The following NCSTN variants were observed in gnomAD, a reference collection of about 807,000 sequenced individuals.
NCSTN encodes anterior pharynx-defective 2.
Under a neutral mutation model 87.0 loss-of-function variants are expected in NCSTN, and 22 were observed. The ratio of observed to expected loss-of-function variants is 0.25; its 90% CI spans 0.18 to 0.36. The LOEUF is 0.36. Among genes scored for constraint, NCSTN ranks in the 10% least tolerant of loss-of-function variants. The probability of loss-of-function intolerance (pLI) is 1.00; values close to 1 mark genes in which losing one functional copy is unlikely to be tolerated. For synonymous variants in NCSTN, 306 were observed against 327.1 expected, an observed-to-expected ratio of 0.94 and a Z score of 0.69; for missense variants, 693 against 883.3, an observed-to-expected ratio of 0.78 and a Z score of 2.73.
chr1:160,353,097 C>G, intron 9 of NCSTN, 63 bp from the exon 10 acceptor site: 3 of 1,587,628 alleles, frequency 1.9e-6, no homozygotes, highest in East Asian at 2.2e-5. Flanking sequence ...TGACTTCTAT[C>G]CCCTAGGCAT....
chr1:160,350,044 T>C, intron 4 of NCSTN, 61 bp from the exon 5 acceptor site: 1 of 1,577,044 alleles, frequency 6.3e-7, no homozygotes, highest in Non-Finnish European at 8.7e-7. Flanking sequence ...TGCCGTCACC[T>C]GGTTCCTAAG....
chr1:160,350,229 T>C lies in NCSTN; in HGVS notation c.561T>C (p.Asn187=), dbSNP rs1428222786. Residue 187 remains asparagine (N), a synonymous_variant, in exon 5 of 17, where the codon AAT becomes AAC. Coordinates refer to ENST00000294785, the MANE Select transcript of NCSTN (RefSeq NM_015331.3). The part of the protein sequence containing the change: ...SFPIFLLEDE[N]ETKVIKQCYQ... ...CCATCTTTCTTCTTGAAGATGAAAA[T>C]GAAACCAAAGTCATCAAGCAGGTAA... The C allele has an allele frequency of 1.2e-6, 2 of 1,614,086 alleles. No homozygotes were observed. Among genetic ancestry groups the C allele is most frequent in the Admixed American group, 1.7e-5 (1 of 60,010 alleles).
chr1:160,353,200 A>G lies in NCSTN; in HGVS notation c.1142A>G (p.Asp381Gly). 6.2e-7 allele frequency: 1 copy of G among 1,614,036 alleles called. No homozygotes were observed. Among genetic ancestry groups the G allele is most frequent in the African/African-American group, 1.3e-5 (1 of 74,980 alleles). Residue 381 changes from aspartate (D) to glycine (G), a missense_variant, in exon 10 of 17, where the codon GAT becomes GGT. By Grantham distance (94) the Asp-to-Gly change is moderately conservative. Coordinates refer to ENST00000294785, the MANE Select transcript of NCSTN (RefSeq NM_015331.3). ...TCATTAGAGCTTTGGATGCACACAG[A>G]TCCTGTTTCTCAGAAAAATGAGTCT... The part of the protein sequence containing the change: ...RTSLELWMHT[D>G]PVSQKNESVR...
intron 5 of NCSTN, 128 bp from the exon 6 acceptor site, chr1:160,351,094 G>C: frequency 4.2e-6 from 4 of 949,000 alleles, no homozygotes. Context: ...CTATAGCTCA[G>C]GGATAAATGT....
At chr1:160,352,805 G>C in intron 8 of NCSTN, 82 bp from the exon 9 acceptor site, 1 of 1,065,580 alleles carries the variant, frequency 9.4e-7, no homozygotes, top group South Asian at 1.3e-5. Context: ...CTTACCTACA[G>C]CTTTGATGAT....
rs1234809161 is a variant in NCSTN, at chr1:160,350,184, T to C, written c.516T>C (p.Ala172=). The change falls in exon 5 of 17, where the codon GCT becomes GCC. Residue 172 remains alanine (A), a synonymous_variant. Coordinates refer to ENST00000294785, the MANE Select transcript of NCSTN (RefSeq NM_015331.3). The part of the protein sequence containing the change: ...IQWNSLGNGL[A]YEDFSFPIFL... Reference sequence around the variant, plus strand: ...GGAATTCGCTGGGCAATGGTTTGGCTTATGAAGACTTTAGTTTCCCCATCT... The same window carrying C: ...GGAATTCGCTGGGCAATGGTTTGGCCTATGAAGACTTTAGTTTCCCCATCT... The C allele has an allele frequency of 6.2e-7, 1 of 1,614,082 alleles. No homozygotes were observed. Among genetic ancestry groups the C allele is most frequent in the South Asian group, 1.1e-5 (1 of 91,088 alleles).
At position 160,358,413 on chromosome 1, in the gene NCSTN, A is replaced by G. The variant is rs200498829; in HGVS notation, c.*142A>G. ...TTAACATAAAAGAGTGGAACTATCC[A>G]AAAGAGACAGGGAGAAATAAATAAA... is the stretch of plus-strand genomic sequence containing the variant. On this transcript the variant is annotated 3_prime_UTR_variant, in exon 17 of 17. Coordinates refer to ENST00000294785, the MANE Select transcript of NCSTN (RefSeq NM_015331.3). 7 of 1,105,404 alleles carry G rather than the reference A, an allele frequency of 6.3e-6. No homozygotes were observed. Among genetic ancestry groups the G allele is most frequent in the East Asian group, 2.4e-5 (1 of 40,856 alleles). The allele number at this position is 1,105,404 out of a possible 1,614,324, so 68.5% of individuals were successfully genotyped here. A position where few individuals can be genotyped will look rare whatever the true frequency, so the allele number is the denominator to read the frequency against.
chr1:160,356,006 G>C (rs751328054), intron 13 of NCSTN, 48 bp downstream of exon 13: 1 of 1,513,044 alleles, frequency 6.6e-7, no homozygotes, highest in South Asian at 1.1e-5. Context: ...ACAGCAAGCT[G>C]TCCCTATCCT....
intron 2 of NCSTN, among the ~76,000 whole-genome samples, chr1:160,347,453 G>A (rs1271924015): frequency 6.6e-6 from 1 of 152,138 alleles, no homozygotes; most frequent in Non-Finnish European, 1.5e-5. Context: ...CCCACAGTAT[G>A]AGATGAATAG....
chr1:160,354,025 G>A (rs1557887630), intron 10 of NCSTN, 93 bp from the exon 11 acceptor site: 6 of 1,345,460 alleles, frequency 4.5e-6, no homozygotes, highest in Non-Finnish European at 5.3e-6. Context: ...CCCAAGCAGG[G>A]AACTTGAAGT....
rs2101900015 is a variant in NCSTN, at chr1:160,350,234, C to T, written c.566C>T (p.Thr189Ile). The T allele has an allele frequency of 6.2e-7, 1 of 1,613,984 alleles. No homozygotes were observed. The highest frequency in any genetic ancestry group is 1.7e-5 in the Admixed American group (1 of 60,024). The change falls in exon 5 of 17, where the codon ACC becomes ATC. Residue 189 changes from threonine (T) to isoleucine (I), a missense_variant. Thr to Ile is a moderately conservative substitution (Grantham distance 89, BLOSUM62 -1). This residue lies in a region of NCSTN where 235 missense variants were observed against 233.9 expected (regional missense o/e 1.00). Coordinates refer to ENST00000294785, the MANE Select transcript of NCSTN (RefSeq NM_015331.3). ...PIFLLEDENE[T>I]KVIKQCYQDH... ...TTTCTTCTTGAAGATGAAAATGAAA[C>T]CAAAGTCATCAAGCAGGTAATGACA...
At chr1:160,352,253 A>G (rs1171514819) in intron 8 of NCSTN, 47 bp downstream of exon 8, 2 of 1,611,094 alleles carry the variant, frequency 1.2e-6, no homozygotes, top group Non-Finnish European at 1.7e-6. Flanking sequence ...GAAAGAGGAT[A>G]GTAAAGATGA....
Position 160,349,294 on chromosome 1 carries a change from T to C in NCSTN, c.314+172T>C, listed in dbSNP as rs115800340. Among the ~76,000 whole-genome samples, 534 of 152,230 alleles carry C rather than the reference T, an allele frequency of 3.5e-3. 3 individuals are homozygous for C. Among genetic ancestry groups the C allele is most frequent in the African/African-American group, 0.013 (522 of 41,532 alleles). ...CCATCAAAAGAAATGATCTTGAGCT[T>C]AGGGCTAAATTTCACCTACCTGTCC... is the stretch of plus-strand genomic sequence containing the variant. On this transcript the variant is annotated intron_variant, in intron 3 of 16. Transcript: ENST00000294785.
intron 2 of NCSTN, 40 bp downstream of exon 2, chr1:160,344,866 T>A (rs1571196390): frequency 6.6e-7 from 1 of 1,523,552 alleles, no homozygotes; most frequent in Non-Finnish European, 9.1e-7. Context: ...CATTGATATT[T>A]GTCTGTGCCC....
chr1:160,356,836 C>T, intron 15 of NCSTN, 82 bp downstream of exon 15: 2 of 1,568,220 alleles, frequency 1.3e-6, no homozygotes, highest in Non-Finnish European at 1.7e-6. Flanking sequence ...CTAGTTAGAC[C>T]CAGGGGATTG....
At chr1:160,346,697 C>T (rs1322743408) in intron 2 of NCSTN, among the ~76,000 whole-genome samples, 1 of 152,114 alleles carries the variant, frequency 6.6e-6, no homozygotes, top group Non-Finnish European at 1.5e-5. Context: ...CTTCCTCCTC[C>T]CAGGTTAAAG....
chr1:160,351,264 A>G lies in NCSTN; in HGVS notation c.625A>G (p.Thr209Ala), dbSNP rs1648824541. Residue 209 changes from threonine to alanine, a missense_variant, in exon 6 of 17, where the codon ACC (threonine) becomes GCC (alanine). Coordinates refer to ENST00000294785, the MANE Select transcript of NCSTN (RefSeq NM_015331.3). ...HNLSQNGSAP[T>A]FPLCAMQLFS... The stretch of plus-strand genomic sequence containing the variant: ...CCTGAGTCAGAATGGCTCAGCACCA[A>G]CCTTCCCACTATGTGCCATGCAGCT... 3 of 1,613,848 alleles carry G rather than the reference A, an allele frequency of 1.9e-6. No individual in the cohort carries two copies. Among genetic ancestry groups the G allele is most frequent in the Non-Finnish European group, 2.5e-6 (3 of 1,179,938 alleles).
chr1:160,343,503 G>T, intron 1 of NCSTN, 22 bp downstream of exon 1: 1 of 1,589,030 alleles, frequency 6.3e-7, no homozygotes, highest in Non-Finnish European at 8.6e-7. Context: ...CCGCCCGTGA[G>T]CTCCGTTCTC....
chr1:160,353,743 G>A (rs568291444), intron 10 of NCSTN: 2 of 982,002 alleles, frequency 2.0e-6, no homozygotes, highest in East Asian at 2.3e-4. Flanking sequence ...AGCATTTAAA[G>A]AATTGGTTAT....
Sources: allele counts gnomAD v4.1 joint callset (sites outside exome capture counted in the v4.1 genomes callset), GRCh38; gene constraint gnomAD v4.1.1; regional missense constraint gnomAD v4.1.1; transcripts MANE v1.5; gene names NCBI Gene and HGNC (gene_info 2026-07-23, HGNC 2026-07-21).